Variants in GAB1 observed in about 807,000 individuals in gnomAD.
GAB1 encodes GRB2-associated-binding protein 1.
GAB1 carries 19 observed loss-of-function variants against 66.5 expected under a neutral mutation model. The observed-to-expected ratio is 0.29, with a 90% CI of 0.20 to 0.42. The LOEUF is 0.42. Among genes scored for constraint, GAB1 ranks in the 10% least tolerant of loss-of-function variants. The pLI is 1.00. For synonymous variants in GAB1, 294 were observed against 301.4 expected (o/e 0.98, Z 0.25); for missense variants, 732 against 858.5 (o/e 0.85, Z 1.84).
intron 6 of GAB1, among the ~76,000 whole-genome samples, chr4:143,448,156 G>A: frequency 6.6e-6 from 1 of 151,826 alleles, no homozygotes; most frequent in Non-Finnish European, 1.5e-5. Context: ...GATCATGGTG[G>A]ATAAGCTTTT....
rs114692430 is a variant in GAB1 at position 143,387,016 on chromosome 4, G to A, written c.73-28461G>A. Among the ~76,000 whole-genome samples, 593 of 152,294 alleles carry A rather than the reference G, an allele frequency of 3.9e-3. 2 individuals carry two copies. Among genetic ancestry groups the A allele is most frequent in the Non-Finnish European group, 5.7e-3 (387 of 68,024 alleles). ...TAGTCTCTGCCACAGTAAAGAGAATGATAAGAAGGGTGAATCACTGCCTTT... is the reference window on the plus strand; with the variant it reads ...TAGTCTCTGCCACAGTAAAGAGAATAATAAGAAGGGTGAATCACTGCCTTT... On this transcript the variant is annotated intron_variant, in intron 1 of 9. Coordinates refer to ENST00000262994, the MANE Select transcript of GAB1 (RefSeq NM_002039.4).
intron 1 of GAB1, among the ~76,000 whole-genome samples, chr4:143,365,734 C>G (rs887961829): frequency 3.3e-5 from 5 of 152,168 alleles, no homozygotes; most frequent in African/African-American, 1.2e-4. Context: ...AGGGAGCTTT[C>G]GTGGCTGGCC....
At chr4:143,428,568 T>G (rs991011277) in intron 2 of GAB1, among the ~76,000 whole-genome samples, 1 of 152,150 alleles carries the variant, frequency 6.6e-6, no homozygotes, top group Non-Finnish European at 1.5e-5. Flanking sequence ...AGAACTAGAA[T>G]ATTGATCCAG....
Position 143,469,166 on chromosome 4 carries a change from A to G in GAB1, c.2062A>G (p.Thr688Ala). ...TDGRQSTESETPAKSVK is the reference protein window; with the variant it reads ...TDGRQSTESEAPAKSVK ...TGGGAGACAGTCCACAGAATCAGAA[A>G]CGCCAGCGAAGAGTGTGAAATGAAA... The change falls in exon 10 of 10, where the codon ACG becomes GCG. Residue 688 changes from threonine (T) to alanine (A), a missense_variant. Around this residue, in one of 4 missense-constraint regions of GAB1, gnomAD observed 204 missense variants for 276.8 expected, o/e 0.74. Coordinates refer to ENST00000262994, the MANE Select transcript of GAB1 (RefSeq NM_002039.4). 1 of 1,614,168 alleles carries G rather than the reference A, an allele frequency of 6.2e-7. No homozygotes were observed. The highest frequency in any genetic ancestry group is 8.5e-7 in the Non-Finnish European group (1 of 1,180,010).
chr4:143,393,851 T>C (rs906039231), intron 1 of GAB1, among the ~76,000 whole-genome samples: 3 of 152,184 alleles, frequency 2.0e-5, no homozygotes, highest in Non-Finnish European at 4.4e-5. Flanking sequence ...CAAAGCTCTT[T>C]GAATTAAATG....
chr4:143,385,233 A>C (rs188130845), intron 1 of GAB1, among the ~76,000 whole-genome samples: 1 of 152,336 alleles, frequency 6.6e-6, no homozygotes. Flanking sequence ...CACAGTTATT[A>C]GTTCCTCACT....
chr4:143,413,221 C>T (rs1432961472), intron 1 of GAB1, among the ~76,000 whole-genome samples: 1 of 152,142 alleles, frequency 6.6e-6, no homozygotes, highest in Non-Finnish European at 1.5e-5. Context: ...TGCTTTACTT[C>T]TGCATTACTT....
chr4:143,429,070 C>A (rs1233779914), intron 2 of GAB1, among the ~76,000 whole-genome samples: 1 of 151,964 alleles, frequency 6.6e-6, no homozygotes, highest in Non-Finnish European at 1.5e-5. Flanking sequence ...TATACTTGGC[C>A]CATTATTTGC....
intron 1 of GAB1, among the ~76,000 whole-genome samples, chr4:143,373,870 T>TAAATAA (rs1261588757): frequency 8.7e-5 from 11 of 126,844 alleles, no homozygotes; most frequent in African/African-American, 2.0e-4. Context: ...AATAAATAAA[T>TAAATAA]ATATATATAT....
intron 1 of GAB1, among the ~76,000 whole-genome samples, chr4:143,384,582 G>C (rs1302704785): frequency 6.6e-6 from 1 of 152,210 alleles, no homozygotes; most frequent in African/African-American, 2.4e-5. Context: ...TCCCAACAGA[G>C]ACAAATGCTA....
Position 143,429,010 on chromosome 4 carries a change from TA to T in GAB1, c.368-4473del, listed in dbSNP as rs764747064. On this transcript the variant is annotated intron_variant, in intron 2 of 9. Transcript: ENST00000262994. ...TTAAAGTATAATAAATAAAAATAAA[TA>T]AAAAAAATCATGATAGGATGGAGTT... 2.0e-5 allele frequency among the ~76,000 whole-genome samples: 3 copies of T among 152,050 alleles called. 1 individual carries two copies. The highest frequency in any genetic ancestry group is 3.8e-4 in the East Asian group (2 of 5,196).
At chr4:143,417,252 G>A (rs1360314072) in intron 2 of GAB1, among the ~76,000 whole-genome samples, 6 of 152,164 alleles carry the variant, frequency 3.9e-5, no homozygotes, top group Non-Finnish European at 7.3e-5. Flanking sequence ...GACTGGGGCA[G>A]TAAGGCTCTG....
At chr4:143,427,309 A>C (rs1733413405) in intron 2 of GAB1, among the ~76,000 whole-genome samples, 1 of 152,204 alleles carries the variant, frequency 6.6e-6, no homozygotes, top group South Asian at 2.1e-4. Flanking sequence ...AACAGCAGTC[A>C]GATCCCCCTC....
intron 6 of GAB1, among the ~76,000 whole-genome samples, chr4:143,449,259 A>G (rs1364424776): frequency 6.6e-6 from 1 of 151,696 alleles, no homozygotes; most frequent in Non-Finnish European, 1.5e-5. Context: ...AAAAAAAAGT[A>G]TATTCTGTTG....
chr4:143,458,476 G>A (rs1735316217), intron 6 of GAB1, among the ~76,000 whole-genome samples: 1 of 151,798 alleles, frequency 6.6e-6, no homozygotes, highest in Non-Finnish European at 1.5e-5. Flanking sequence ...GTTAAGAGTG[G>A]CAGAATGAAA....
At chr4:143,368,733 C>T (rs1184829311) in intron 1 of GAB1, among the ~76,000 whole-genome samples, 1 of 152,116 alleles carries the variant, frequency 6.6e-6, no homozygotes, top group African/African-American at 2.4e-5. Flanking sequence ...TGTTTGCTTG[C>T]TGCGATACAA....
chr4:143,452,103 G>A (rs1462463509), intron 6 of GAB1, among the ~76,000 whole-genome samples: 1 of 152,064 alleles, frequency 6.6e-6, no homozygotes, highest in East Asian at 1.9e-4. Context: ...CAGTTTGCAA[G>A]GCTATTTTCT....
chr4:143,342,923 C>G (rs1016023860), intron 1 of GAB1, among the ~76,000 whole-genome samples: 3 of 152,084 alleles, frequency 2.0e-5, no homozygotes, highest in African/African-American at 7.2e-5. Flanking sequence ...CTTACAGAGA[C>G]TGACAGCCAG....
chr4:143,395,458 T>C (rs1318979856), intron 1 of GAB1: 1 of 154,658 alleles, frequency 6.5e-6, no homozygotes, highest in Non-Finnish European at 1.4e-5. Context: ...AAAAGAGTAT[T>C]TTAAAATTTG....
Sources: gnomAD v4.1 joint callset for allele counts (sites outside exome capture counted in the v4.1 genomes callset) on GRCh38, gnomAD v4.1.1 for gene constraint, gnomAD v4.1.1 regional missense constraint, MANE v1.5 for transcripts, NCBI Gene and HGNC (gene_info 2026-07-23, HGNC 2026-07-21) for gene names.